Variants in ADAMTS3 observed in about 807,000 individuals in gnomAD.
ADAMTS3 encodes the protein A disintegrin and metalloproteinase with thrombospondin motifs 3.
Under a neutral mutation model 129.0 loss-of-function variants are expected in ADAMTS3, and 73 were observed. That is an observed-to-expected ratio of 0.57 (90% CI 0.47 to 0.69). The LOEUF is 0.69. Ranked by LOEUF, ADAMTS3 falls within the 30% of genes least tolerant of loss-of-function variation. The pLI is 0.00. For missense variants in ADAMTS3, 1,457 were observed against 1,514.5 expected, an observed-to-expected ratio of 0.96 and a Z score of 0.63; for synonymous variants, 477 against 510.8, an observed-to-expected ratio of 0.93 and a Z score of 0.89.
At chr4:72,562,701 G>C (rs1167257638) in intron 2 of ADAMTS3, among the ~76,000 whole-genome samples, 1 of 152,054 alleles carries the variant, frequency 6.6e-6, no homozygotes, top group Non-Finnish European at 1.5e-5. Context: ...AAAAATTAAA[G>C]AATATAATTA....
intron 5 of ADAMTS3, among the ~76,000 whole-genome samples, chr4:72,324,449 G>A (rs544137908): frequency 2.0e-5 from 3 of 152,176 alleles, no homozygotes; most frequent in South Asian, 4.1e-4. Flanking sequence ...CAGCAAAGGT[G>A]GAAGTAAAAA....
chr4:72,361,112 C>T (rs554105152), intron 4 of ADAMTS3, among the ~76,000 whole-genome samples: 3 of 151,988 alleles, frequency 2.0e-5, no homozygotes, highest in African/African-American at 7.2e-5. Context: ...CTGTCTTCAA[C>T]CAGAGCAACC....
At position 72,548,400 on chromosome 4, in the gene ADAMTS3, C is replaced by T; in HGVS notation, c.504+78G>A. 6.2e-6 allele frequency: 9 copies of T among 1,440,276 alleles called. No homozygotes were observed. In the East Asian group the frequency reaches 1.6e-4, roughly 26 times the overall value. 89.2% of individuals were successfully genotyped at this position (1,440,276 alleles called of 1,614,324 possible). A position where few individuals can be genotyped will look rare whatever the true frequency, so the allele number is the denominator to read the frequency against. ...AACAATGAAGCCTCCTTTCCACCTC[C>T]ACCTTCCAAACTATGCAGAAGCCAT... On this transcript the variant is annotated intron_variant, in intron 3 of 21. Coordinates refer to ENST00000286657, the MANE Select transcript of ADAMTS3 (RefSeq NM_014243.3).
chr4:72,318,938 C>G (rs1719477396), intron 9 of ADAMTS3, among the ~76,000 whole-genome samples: 1 of 152,092 alleles, frequency 6.6e-6, no homozygotes, highest in African/African-American at 2.4e-5. Context: ...GTAGTAGAGC[C>G]ACGATTATTT....
rs964913580 is a variant in ADAMTS3, at chr4:72,538,132, G to C, written c.504+10346C>G. 3.3e-5 allele frequency among the ~76,000 whole-genome samples: 5 copies of C among 152,280 alleles called. No individual in the cohort carries two copies. In the East Asian group the frequency reaches 9.7e-4, roughly 29 times the overall value. ...GAAGAAAAGTGAACAGAGGCTAAAG[G>C]ACCTGTGGAACACCATTAAGCAGAC... is the stretch of plus-strand genomic sequence containing the variant. On this transcript the variant is annotated intron_variant, in intron 3 of 21. Transcript: ENST00000286657.
At chr4:72,503,078 C>G (rs1222520433) in intron 3 of ADAMTS3, among the ~76,000 whole-genome samples, 1 of 152,068 alleles carries the variant, frequency 6.6e-6, no homozygotes, top group Non-Finnish European at 1.5e-5. Flanking sequence ...GGCTAGAGTA[C>G]AGTGTTGCAA....
chr4:72,397,550 G>A (rs1170018352), intron 4 of ADAMTS3, among the ~76,000 whole-genome samples: 3 of 126,874 alleles, frequency 2.4e-5, no homozygotes, highest in Non-Finnish European at 3.4e-5. Flanking sequence ...GGGCGACAGG[G>A]TGAGACTCTA....
chr4:72,310,229 AG>A (rs1326540754), intron 14 of ADAMTS3, among the ~76,000 whole-genome samples: 1 of 152,116 alleles, frequency 6.6e-6, no homozygotes, highest in East Asian at 1.9e-4. Flanking sequence ...TTCTGAACCA[AG>A]GCATGTTCTT....
chr4:72,550,048 A>G (rs868234611), intron 2 of ADAMTS3, among the ~76,000 whole-genome samples: 219 of 8,670 alleles, frequency 0.025, 17 homozygotes, highest in South Asian at 0.045. Flanking sequence ...AAGAAGAGGA[A>G]GAGGAAGAGG....
chr4:72,509,575 C>T (rs1201034586), intron 3 of ADAMTS3, among the ~76,000 whole-genome samples: 2 of 151,764 alleles, frequency 1.3e-5, no homozygotes, highest in Non-Finnish European at 2.9e-5. Flanking sequence ...CGAAGAAATC[C>T]AAAATCTGAA....
intron 4 of ADAMTS3, among the ~76,000 whole-genome samples, chr4:72,381,624 T>C (rs1470385514): frequency 6.6e-6 from 1 of 152,176 alleles, no homozygotes; most frequent in African/African-American, 2.4e-5. Flanking sequence ...TTCTATAGCC[T>C]GTCTTGCAGA....
chr4:72,480,687 A>T (rs1296338934), intron 3 of ADAMTS3, among the ~76,000 whole-genome samples: 1 of 151,488 alleles, frequency 6.6e-6, no homozygotes, highest in African/African-American at 2.4e-5. Context: ...CTAAAACTTA[A>T]AGTATAATAA....
chr4:72,505,970 C>A (rs2110028920), intron 3 of ADAMTS3, among the ~76,000 whole-genome samples: 1 of 152,262 alleles, frequency 6.6e-6, no homozygotes, highest in Admixed American at 6.5e-5. Flanking sequence ...AAGAGTGGGG[C>A]AATTATGCCT....
chr4:72,322,202 T>A (rs906522111), intron 6 of ADAMTS3, among the ~76,000 whole-genome samples: 1 of 152,200 alleles, frequency 6.6e-6, no homozygotes, highest in African/African-American at 2.4e-5. Context: ...AATAGATTGA[T>A]GACACTCTAT....
intron 5 of ADAMTS3, among the ~76,000 whole-genome samples, chr4:72,333,848 CTTTT>C (rs6148516): frequency 4.0e-5 from 4 of 99,464 alleles, no homozygotes; most frequent in African/African-American, 7.8e-5. Context: ...TGTTTGCTTG[CTTTT>C]TTTTTTTTTT....
chr4:72,290,034 A>T (rs1718615477), intron 20 of ADAMTS3, among the ~76,000 whole-genome samples: 1 of 152,104 alleles, frequency 6.6e-6, no homozygotes, highest in South Asian at 2.1e-4. Flanking sequence ...CCTCCTATAA[A>T]CTATTCTCCT....
chr4:72,324,613 G>A (rs1417427205), intron 5 of ADAMTS3, among the ~76,000 whole-genome samples: 1 of 151,968 alleles, frequency 6.6e-6, no homozygotes, highest in Non-Finnish European at 1.5e-5. Context: ...ACATAGAATG[G>A]TAAGACCCAA....
intron 3 of ADAMTS3, among the ~76,000 whole-genome samples, chr4:72,485,908 G>A (rs1469116822): frequency 6.6e-6 from 1 of 152,192 alleles, no homozygotes. Context: ...TGAGGATGTA[G>A]CAAACAAGTG....
chr4:72,374,095 T>G (rs1009990312), intron 4 of ADAMTS3, among the ~76,000 whole-genome samples: 2 of 152,064 alleles, frequency 1.3e-5, no homozygotes. Flanking sequence ...AGAATAAGCA[T>G]ATTGCCTATT....
Sources: gnomAD v4.1 joint callset for allele counts (sites outside exome capture counted in the v4.1 genomes callset) on GRCh38, gnomAD v4.1.1 for gene constraint, MANE v1.5 for transcripts, NCBI Gene and HGNC (gene_info 2026-07-23, HGNC 2026-07-21) for gene names.